Variants in TCN2 observed in about 807,000 individuals in gnomAD.
TCN2 encodes transcobalamin-2.
A neutral mutation model predicts 48.6 loss-of-function variants in TCN2; 34 were observed. That is an observed-to-expected ratio of 0.70 (90% confidence interval 0.53 to 0.93). The LOEUF is 0.93. Ranked by LOEUF, TCN2 falls within the 40% of genes least tolerant of loss-of-function variation. The pLI is 0.00. For missense variants in TCN2, 652 were observed against 526.1 expected (o/e 1.24, Z -2.34); for synonymous variants, 283 against 212.5 (o/e 1.33, Z -2.89).
At chr22:30,621,330 C>T (rs568466171) in intron 7 of TCN2, among the ~76,000 whole-genome samples, 1 of 152,230 alleles carries the variant, frequency 6.6e-6, no homozygotes, top group East Asian at 1.9e-4. Flanking sequence ...TCTAAGACTG[C>T]AACCATCGAT....
intron 8 of TCN2, among the ~76,000 whole-genome samples, chr22:30,626,149 C>T (rs895042244): frequency 6.6e-6 from 1 of 152,160 alleles, no homozygotes; most frequent in Non-Finnish European, 1.5e-5. Context: ...GAGACTTCTG[C>T]GTGGTCCTGG....
intron 8 of TCN2, among the ~76,000 whole-genome samples, chr22:30,623,769 T>TACACACATATACACATATATAC (rs2087738947): frequency 1.5e-5 from 1 of 66,696 alleles, no homozygotes; most frequent in Non-Finnish European, 2.4e-5. Flanking sequence ...TATATATATA[T>TACACACATATACACATATATAC]ACACACATAT....
rs1186332262 is a variant in TCN2, at chr22:30,607,308, A to G, written c.-24A>G. 4 of 1,614,072 alleles carry G rather than the reference A, an allele frequency of 2.5e-6. No homozygotes were observed. The highest frequency in any genetic ancestry group is 3.4e-6 in the Non-Finnish European group (4 of 1,179,994). ...CAGGAGTCTTTCCCGATTCTTGCTC[A>G]CTGCTCACCCACCTGCTGCTGCCAT... On this transcript the variant is annotated 5_prime_UTR_variant, in exon 1 of 9. Coordinates refer to ENST00000215838, the MANE Select transcript of TCN2 (RefSeq NM_000355.4).
chr22:30,614,552 A>G, intron 4 of TCN2, 51 bp downstream of exon 4: 1 of 1,611,452 alleles, frequency 6.2e-7, no homozygotes, highest in Admixed American at 1.7e-5. Context: ...CTCAGTCCCC[A>G]GGTCTGCACT....
chr22:30,615,535 G>A, intron 5 of TCN2, 62 bp downstream of exon 5: 4 of 1,613,932 alleles, frequency 2.5e-6, no homozygotes, highest in East Asian at 2.2e-5. Context: ...GAGTGGTCAG[G>A]TGCTGGAACA....
intron 1 of TCN2, chr22:30,610,466 G>A (rs958664608): frequency 2.1e-5 from 8 of 372,758 alleles, no homozygotes; most frequent in South Asian, 8.2e-5. Context: ...GACATGACAC[G>A]ACTTTGAACT....
Position 30,623,077 on chromosome 22 carries a change from T to C in TCN2, c.1216T>C (p.Leu406=). Residue 406 remains leucine, a synonymous_variant, in exon 8 of 9, where the codon TTG becomes CTG. Transcript: ENST00000215838. ...QLLRDPNTPL[L]QGIADYRPKD... The stretch of plus-strand genomic sequence containing the variant: ...TCTCCGAGACCCCAACACCCCACTG[T>C]TGCAAGGTGAGTCATGGCCTGACAC... 6.2e-7 allele frequency: 1 copy of C among 1,613,910 alleles called. No individual in the cohort carries two copies. The highest frequency in any genetic ancestry group is 8.5e-7 in the Non-Finnish European group (1 of 1,179,962).
At chr22:30,613,696 C>T (rs560203891) in intron 3 of TCN2, among the ~76,000 whole-genome samples, 2 of 152,320 alleles carry the variant, frequency 1.3e-5, no homozygotes, top group African/African-American at 4.8e-5. Flanking sequence ...CTCTCCTGCC[C>T]TGACTTGACC....
At chr22:30,625,413 A>T (rs545729260) in intron 8 of TCN2, among the ~76,000 whole-genome samples, 5,261 of 131,604 alleles carry the variant, frequency 0.04, 145 homozygotes, top group African/African-American at 0.088. Context: ...AAAAAAAAAA[A>T]ATATTTTCCT....
At chr22:30,613,234 T>C (rs559225682) in intron 3 of TCN2, among the ~76,000 whole-genome samples, 192 bp downstream of exon 3, 10 of 152,316 alleles carry the variant, frequency 6.6e-5, no homozygotes, top group African/African-American at 2.4e-4. Context: ...TTTCCCGCGC[T>C]GCACACATAC....
intron 1 of TCN2, among the ~76,000 whole-genome samples, chr22:30,608,664 A>G (rs888049322): frequency 6.6e-6 from 1 of 151,984 alleles, no homozygotes; most frequent in Non-Finnish European, 1.5e-5. Context: ...TGCTGAGATT[A>G]CAGGCGTGAG....
At chr22:30,626,095 C>T (rs553124784) in intron 8 of TCN2, among the ~76,000 whole-genome samples, 1 of 152,240 alleles carries the variant, frequency 6.6e-6, no homozygotes, top group South Asian at 2.1e-4. Flanking sequence ...CAGGCGTCCT[C>T]CTAGAGCCTG....
Position 30,623,701 on chromosome 22 carries a change from T to C in TCN2, c.1222+618T>C, listed in dbSNP as rs1049970566. On this transcript the variant is annotated intron_variant, in intron 8 of 8. Coordinates refer to ENST00000215838, the MANE Select transcript of TCN2 (RefSeq NM_000355.4). ...TATATGTGTATACATATATATGAAA[T>C]ATATATATATACAGACACACATATA... Among the ~76,000 whole-genome samples the C allele has an allele frequency of 1.6e-4, 9 of 55,754 alleles. 1 individual carries two copies. The highest frequency in any genetic ancestry group is 4.9e-4 in the African/African-American group (9 of 18,364). The allele number at this position is 55,754 out of a possible 152,430, so 36.6% of individuals were successfully genotyped here. A position where few individuals can be genotyped will look rare whatever the true frequency, so the allele number is the denominator to read the frequency against.
At chr22:30,612,752 T>A in intron 2 of TCN2, 121 bp from the exon 3 acceptor site, 2 of 1,254,782 alleles carry the variant, frequency 1.6e-6, no homozygotes, top group Middle Eastern at 2.6e-4. Flanking sequence ...TTTTGGAGCT[T>A]TTATCAAAGT....
At chr22:30,618,378 G>A (rs901779194) in intron 7 of TCN2, among the ~76,000 whole-genome samples, 4 of 151,816 alleles carry the variant, frequency 2.6e-5, no homozygotes, top group Non-Finnish European at 4.4e-5. Flanking sequence ...TCGAGACAGA[G>A]CCTCTCTCTT....
chr22:30,613,238 C>G (rs1434830858), intron 3 of TCN2, among the ~76,000 whole-genome samples, 196 bp downstream of exon 3: 1 of 152,204 alleles, frequency 6.6e-6, no homozygotes, highest in Non-Finnish European at 1.5e-5. Context: ...CCGCGCTGCA[C>G]ACATACTATT....
chr22:30,626,142 A>C (rs2087805572), intron 8 of TCN2, among the ~76,000 whole-genome samples: 1 of 152,004 alleles, frequency 6.6e-6, no homozygotes, highest in African/African-American at 2.4e-5. Flanking sequence ...CTCCTGGGAG[A>C]CTTCTGCGTG....
At position 30,615,286 on chromosome 22, in the gene TCN2, GT is replaced by G. The variant is rs775661270; in HGVS notation, c.581-14del. On this transcript the variant is annotated splice_polypyrimidine_tract_variant and intron_variant, in intron 4 of 8. Coordinates refer to ENST00000215838, the MANE Select transcript of TCN2 (RefSeq NM_000355.4). The stretch of plus-strand genomic sequence containing the variant: ...GGCTCTCCAGCTCATTGCATGTTCT[GT>G]CCCCCACTTCAAGACACAGCAGCCA... 1.2e-6 allele frequency: 2 copies of G among 1,614,092 alleles called. No homozygotes were observed. The highest frequency in any genetic ancestry group is 1.7e-6 in the Non-Finnish European group (2 of 1,180,012).
intron 2 of TCN2, 78 bp downstream of exon 2, chr22:30,611,141 TCAC>T: frequency 6.3e-7 from 1 of 1,593,766 alleles, no homozygotes; most frequent in Non-Finnish European, 8.6e-7. Flanking sequence ...TTTGGGCCTG[TCAC>T]CACTTTGTGG....
Sources: gnomAD v4.1 joint callset for allele counts (sites outside exome capture counted in the v4.1 genomes callset) on GRCh38, gnomAD v4.1.1 for gene constraint, MANE v1.5 for transcripts, NCBI Gene and HGNC (gene_info 2026-07-23, HGNC 2026-07-21) for gene names.